The following CORO2B variants were observed in gnomAD, a reference collection of about 807,000 sequenced individuals.
CORO2B encodes coronin-2B.
A neutral mutation model predicts 58.8 loss-of-function variants in CORO2B; 26 were observed. The ratio of observed to expected loss-of-function variants is 0.44; its 90% confidence interval spans 0.32 to 0.61. The LOEUF is 0.61. CORO2B is among the 20% of genes least tolerant of loss of function. CORO2B has a pLI of 0.04. For synonymous variants in CORO2B, 242 were observed against 253.8 expected, an observed-to-expected ratio of 0.95 and a Z score of 0.44; for missense variants, 460 against 645.1, an observed-to-expected ratio of 0.71 and a Z score of 3.11.
the CORO2B span, among the ~76,000 whole-genome samples, chr15:68,525,070 G>C: frequency 6.6e-6 from 1 of 152,174 alleles, no homozygotes; most frequent in Non-Finnish European, 1.5e-5. Flanking sequence ...GGCACATCTG[G>C]GTATAACTAA....
At chr15:68,673,345 G>C (rs1203825952) in intron 2 of CORO2B, among the ~76,000 whole-genome samples, 1 of 110,070 alleles carries the variant, frequency 9.1e-6, no homozygotes, top group Non-Finnish European at 1.8e-5. Flanking sequence ...AAACCAGCCT[G>C]GGCAACCCTG....
intron 1 of CORO2B, among the ~76,000 whole-genome samples, 179 bp from the exon 2 acceptor site, chr15:68,644,981 A>T (rs1330909510): frequency 1.3e-5 from 2 of 152,198 alleles, no homozygotes; most frequent in Admixed American, 6.5e-5. Context: ...CGGGCTGGGC[A>T]TATGAGTGTG....
At chr15:68,709,117 A>G (rs553929113) in intron 3 of CORO2B, among the ~76,000 whole-genome samples, 1 of 152,228 alleles carries the variant, frequency 6.6e-6, no homozygotes, top group Non-Finnish European at 1.5e-5. Context: ...TACATTTTCC[A>G]TATAAATGAT....
chr15:68,518,793 C>T, the CORO2B span, among the ~76,000 whole-genome samples: 1 of 152,104 alleles, frequency 6.6e-6, no homozygotes, highest in Non-Finnish European at 1.5e-5. Flanking sequence ...AAAGAGGGTC[C>T]TTTTCTTGAC....
intron 2 of CORO2B, among the ~76,000 whole-genome samples, chr15:68,650,452 A>C (rs1901606931): frequency 6.6e-6 from 1 of 150,680 alleles, no homozygotes; most frequent in Non-Finnish European, 1.5e-5. Context: ...TCTCCACTAA[A>C]AATACAAAAC....
intron 2 of CORO2B, among the ~76,000 whole-genome samples, chr15:68,650,073 C>T (rs1199770410): frequency 6.6e-6 from 1 of 152,104 alleles, no homozygotes; most frequent in African/African-American, 2.4e-5. Context: ...TGAAGAAATG[C>T]AATATGCGAT....
chr15:68,691,937 T>C (rs550267385), intron 2 of CORO2B, among the ~76,000 whole-genome samples: 15 of 152,346 alleles, frequency 9.8e-5, no homozygotes, highest in African/African-American at 3.6e-4. Flanking sequence ...CACACAGCTC[T>C]GCTCAGGGAA....
At chr15:68,553,966 A>G in the CORO2B span, among the ~76,000 whole-genome samples, 1 of 152,204 alleles carries the variant, frequency 6.6e-6, no homozygotes, top group East Asian at 1.9e-4. Flanking sequence ...AAAGGTCACT[A>G]GTTTTGAAAG....
chr15:68,682,121 C>T (rs1902811828), intron 2 of CORO2B, among the ~76,000 whole-genome samples: 1 of 152,170 alleles, frequency 6.6e-6, no homozygotes, highest in Non-Finnish European at 1.5e-5. Flanking sequence ...TAGGGCACTG[C>T]ATCCCACCAG....
the CORO2B span, among the ~76,000 whole-genome samples, chr15:68,537,451 C>T: frequency 2.0e-5 from 3 of 152,166 alleles, no homozygotes; most frequent in Non-Finnish European, 2.9e-5. Flanking sequence ...GTCAGACTAG[C>T]CCACTGCTTG....
At chr15:68,545,140 G>T in the CORO2B span, among the ~76,000 whole-genome samples, 1 of 152,166 alleles carries the variant, frequency 6.6e-6, no homozygotes, top group Non-Finnish European at 1.5e-5. Flanking sequence ...CATGAAGGCT[G>T]CAGGGCAGGA....
intron 2 of CORO2B, among the ~76,000 whole-genome samples, chr15:68,692,056 C>T (rs1023893576): frequency 6.6e-6 from 1 of 152,190 alleles, no homozygotes; most frequent in African/African-American, 2.4e-5. Context: ...AAAGTCTGAG[C>T]TGCAGGAGGG....
chr15:68,555,456 A>G, the CORO2B span, among the ~76,000 whole-genome samples: 3 of 152,132 alleles, frequency 2.0e-5, no homozygotes, highest in Non-Finnish European at 2.9e-5. Flanking sequence ...CTGACTTGCA[A>G]ACCACTGCTT....
At chr15:68,717,845 G>A (rs1893068182) in intron 8 of CORO2B, among the ~76,000 whole-genome samples, 1 of 152,220 alleles carries the variant, frequency 6.6e-6, no homozygotes, top group Non-Finnish European at 1.5e-5. Context: ...ACAATACAGG[G>A]AAAGAAATGA....
the CORO2B span, among the ~76,000 whole-genome samples, chr15:68,528,773 T>A: frequency 6.6e-6 from 1 of 151,906 alleles, no homozygotes; most frequent in Non-Finnish European, 1.5e-5. Flanking sequence ...CTGGACTATT[T>A]TGTGTTTTGG....
chr15:68,541,230 G>C, the CORO2B span, among the ~76,000 whole-genome samples: 1 of 26,672 alleles, frequency 3.7e-5, no homozygotes, highest in Non-Finnish European at 9.7e-5. Context: ...GCCAGACCCT[G>C]TCTCAAATAA....
chr15:68,572,862 C>T, the CORO2B span, among the ~76,000 whole-genome samples: 1 of 152,190 alleles, frequency 6.6e-6, no homozygotes, highest in Non-Finnish European at 1.5e-5. Flanking sequence ...CCATCATGGC[C>T]CCAAGGAGAT....
intron 1 of CORO2B, among the ~76,000 whole-genome samples, chr15:68,617,846 G>A (rs1490704655): frequency 6.6e-6 from 1 of 152,146 alleles, no homozygotes; most frequent in Non-Finnish European, 1.5e-5. Context: ...CCTGAATGGG[G>A]CCCTTAGAGA....
chr15:68,590,083 G>A (rs972388666), intron 1 of CORO2B, among the ~76,000 whole-genome samples: 15 of 152,192 alleles, frequency 9.9e-5, no homozygotes, highest in African/African-American at 3.1e-4. Context: ...GGGAGCCTGG[G>A]TTGCTAAGAG....
Sources: allele counts gnomAD v4.1 joint callset (sites outside exome capture counted in the v4.1 genomes callset), GRCh38; gene constraint gnomAD v4.1.1; transcripts MANE v1.5; gene names NCBI Gene and HGNC (gene_info 2026-07-23, HGNC 2026-07-21).